QSER1: variants seen among roughly 807,000 people sequenced by gnomAD.
The protein encoded by QSER1 is glutamine and serine rich 1, also known as glutamine and serine-rich protein 1.
Under a neutral mutation model 158.5 loss-of-function variants are expected in QSER1, and 49 were observed. The ratio of observed to expected loss-of-function variants is 0.31; its 90% CI spans 0.25 to 0.39. The LOEUF is 0.39. Among genes scored for constraint, QSER1 ranks in the 10% least tolerant of loss-of-function variants. QSER1 has a pLI of 1.00. For missense variants in QSER1, 1,754 were observed against 2,010.3 expected, an observed-to-expected ratio of 0.87 and a Z score of 2.44; for synonymous variants, 650 against 715.5, an observed-to-expected ratio of 0.91 and a Z score of 1.46.
At chr11:32,906,552 C>T (rs1851696920) in intron 1 of QSER1, among the ~76,000 whole-genome samples, 1 of 152,034 alleles carries the variant, frequency 6.6e-6, no homozygotes, top group African/African-American at 2.4e-5. Flanking sequence ...GTATGTGCCA[C>T]CATGCCTGGC....
chr11:32,912,325 T>A (rs1419192865), intron 1 of QSER1, among the ~76,000 whole-genome samples: 4 of 152,188 alleles, frequency 2.6e-5, no homozygotes, highest in African/African-American at 9.7e-5. Context: ...TCAATTGTAT[T>A]TTTTAAGAAT....
intron 10 of QSER1, among the ~76,000 whole-genome samples, chr11:32,972,267 T>C (rs1852876912): frequency 6.6e-6 from 1 of 152,070 alleles, no homozygotes; most frequent in African/African-American, 2.4e-5. Flanking sequence ...TAAATGATGG[T>C]AGGAGCTCGA....
intron 1 of QSER1, among the ~76,000 whole-genome samples, chr11:32,906,016 A>G (rs1049537764): frequency 6.6e-6 from 1 of 151,852 alleles, no homozygotes; most frequent in Non-Finnish European, 1.5e-5. Flanking sequence ...CTTCCTTTAC[A>G]TTAGCCTTTG....
chr11:32,948,468 A>G (rs994698422), intron 4 of QSER1, among the ~76,000 whole-genome samples: 2 of 152,136 alleles, frequency 1.3e-5, no homozygotes, highest in African/African-American at 4.8e-5. Context: ...TCTACAAAAA[A>G]CAAAAAAACA....
rs140454662 is a variant in QSER1, at chr11:32,926,436, C to CA, written c.210-713dup. 6.6e-3 allele frequency among the ~76,000 whole-genome samples: 996 copies of CA among 150,898 alleles called. 11 individuals carry two copies. The highest frequency in any genetic ancestry group is 0.023 in the African/African-American group (955 of 41,148). On this transcript the variant is annotated intron_variant, in intron 1 of 12. Coordinates refer to ENST00000650167, the MANE Select transcript of QSER1 (RefSeq NM_001076786.3). ...TCCAAGTTATTTTCAAGTTGTTTAGCAAAAAAAAGAAAAGTGGGTATGTGT... is the reference window on the plus strand; with the variant it reads ...TCCAAGTTATTTTCAAGTTGTTTAGCAAAAAAAAAGAAAAGTGGGTATGTGT...
At chr11:32,904,383 G>A (rs1851664617) in intron 1 of QSER1, among the ~76,000 whole-genome samples, 1 of 151,680 alleles carries the variant, frequency 6.6e-6, no homozygotes, top group African/African-American at 2.4e-5. Flanking sequence ...GTAGAGACGA[G>A]GTTTCACCAT....
At chr11:32,959,981 G>A (rs948956377) in intron 8 of QSER1, among the ~76,000 whole-genome samples, 2 of 152,026 alleles carry the variant, frequency 1.3e-5, no homozygotes, top group Admixed American at 6.6e-5. Flanking sequence ...TGCCCAGGCC[G>A]ATCTCAAACT....
chr11:32,916,197 G>T (rs1054546873), intron 1 of QSER1, among the ~76,000 whole-genome samples: 8 of 152,130 alleles, frequency 5.3e-5, no homozygotes, highest in African/African-American at 1.9e-4. Flanking sequence ...CACCGCGCTC[G>T]GCTGGATGAA....
rs1206397901 is a variant in QSER1 at position 32,942,907 on chromosome 11, A to C, written c.4177+7472A>C. On this transcript the variant is annotated intron_variant, in intron 4 of 12. Coordinates refer to ENST00000650167, the MANE Select transcript of QSER1 (RefSeq NM_001076786.3). The stretch of plus-strand genomic sequence containing the variant: ...ATTTGTTTGTATCCTCTTTTATTTC[A>C]TTGAGCAGCGGTTTGTAGTTCTCCT... Among the ~76,000 whole-genome samples, 24 of 152,170 alleles carry C rather than the reference A, an allele frequency of 1.6e-4. No homozygotes were observed. In the East Asian group the frequency reaches 3.7e-3, roughly 23 times the overall value.
intron 4 of QSER1, among the ~76,000 whole-genome samples, chr11:32,936,167 T>C (rs994341328): frequency 6.6e-6 from 1 of 151,944 alleles, no homozygotes; most frequent in African/African-American, 2.4e-5. Flanking sequence ...TAGGTATATC[T>C]CCTAATGCTG....
intron 1 of QSER1, among the ~76,000 whole-genome samples, chr11:32,896,660 A>T (rs1851559719): frequency 6.6e-6 from 1 of 152,206 alleles, no homozygotes; most frequent in Non-Finnish European, 1.5e-5. Context: ...AAGTGCTGGG[A>T]TTACAGGTGT....
chr11:32,946,485 A>T (rs1480160779), intron 4 of QSER1, among the ~76,000 whole-genome samples: 1 of 152,038 alleles, frequency 6.6e-6, no homozygotes, highest in African/African-American at 2.4e-5. Context: ...GGTCTGTTGG[A>T]GTACCCTGCA....
At chr11:32,953,521 T>C (rs1052363391) in intron 4 of QSER1, among the ~76,000 whole-genome samples, 1 of 152,078 alleles carries the variant, frequency 6.6e-6, no homozygotes, top group Non-Finnish European at 1.5e-5. Flanking sequence ...GCTCGGCTAA[T>C]TTTTTATTTT....
intron 4 of QSER1, among the ~76,000 whole-genome samples, chr11:32,936,042 A>G (rs1852147737): frequency 6.6e-6 from 1 of 152,092 alleles, no homozygotes; most frequent in African/African-American, 2.4e-5. Context: ...CTTTAGAGGA[A>G]ATTTTTTTTT....
At chr11:32,948,750 T>A (rs1036422680) in intron 4 of QSER1, among the ~76,000 whole-genome samples, 5 of 152,266 alleles carry the variant, frequency 3.3e-5, no homozygotes, top group East Asian at 3.9e-4. Context: ...TTTAAAAAAA[T>A]TTTGCTTTTT....
In QSER1 at chr11:32,977,872, C is replaced by T. The variant is rs1039687982; in HGVS notation, c.*1398C>T. ...TTTACCACCATTTAGTGCCTTAAAT[C>T]CTATCAAGAAAGCAGTGTTACTGCT... On this transcript the variant is annotated 3_prime_UTR_variant, in exon 13 of 13. Coordinates refer to ENST00000650167, the MANE Select transcript of QSER1 (RefSeq NM_001076786.3). The T allele has an allele frequency of 6.6e-6, 1 of 152,522 alleles. No individual in the cohort carries two copies. Among genetic ancestry groups the T allele is most frequent in the Non-Finnish European group, 1.5e-5 (1 of 67,998 alleles). 9.4% of individuals were successfully genotyped at this position (152,522 alleles called of 1,614,324 possible).
Position 32,980,099 on chromosome 11 carries a change from A to T in QSER1, c.*3625A>T, listed in dbSNP as rs1853045265. ...ATGCATGTGTTAGCAAATCACCTTTATTTATAAGTGACAATAATTGAAGTT... is the reference window on the plus strand; with the variant it reads ...ATGCATGTGTTAGCAAATCACCTTTTTTTATAAGTGACAATAATTGAAGTT... On this transcript the variant is annotated 3_prime_UTR_variant, in exon 13 of 13. Coordinates refer to ENST00000650167, the MANE Select transcript of QSER1 (RefSeq NM_001076786.3). 1 of 152,612 alleles carries T rather than the reference A, an allele frequency of 6.6e-6. No homozygotes were observed. Among genetic ancestry groups the T allele is most frequent in the Non-Finnish European group, 1.5e-5 (1 of 68,022 alleles). The allele number at this position is 152,612 out of a possible 1,614,324, so 9.5% of individuals were successfully genotyped here. A position where few individuals can be genotyped will look rare whatever the true frequency, so the allele number is the denominator to read the frequency against.
intron 1 of QSER1, among the ~76,000 whole-genome samples, chr11:32,898,059 C>T (rs1851577831): frequency 6.6e-6 from 1 of 152,216 alleles, no homozygotes; most frequent in African/African-American, 2.4e-5. Context: ...TTTCTTTCCT[C>T]TCTTCAATTC....
At chr11:32,944,138 T>G (rs917920393) in intron 4 of QSER1, among the ~76,000 whole-genome samples, 4 of 152,222 alleles carry the variant, frequency 2.6e-5, no homozygotes, top group Admixed American at 1.3e-4. Flanking sequence ...TTTTCTTAAT[T>G]AGTCTTGGTA....
Sources: gnomAD v4.1 joint callset for allele counts (sites outside exome capture counted in the v4.1 genomes callset) on GRCh38, gnomAD v4.1.1 for gene constraint, MANE v1.5 for transcripts, NCBI Gene and HGNC (gene_info 2026-07-23, HGNC 2026-07-21) for gene names.